The following ATRN variants were observed in gnomAD, a reference collection of about 807,000 sequenced individuals.
ATRN encodes attractin.
ATRN carries 54 observed loss-of-function variants against 178.7 expected under a neutral mutation model. The observed-to-expected ratio is 0.30, with a 90% CI of 0.24 to 0.38. ATRN has a LOEUF of 0.38. Among genes scored for constraint, ATRN ranks in the 10% least tolerant of loss-of-function variants. The pLI is 1.00. For missense variants in ATRN, 1,443 were observed against 1,815.1 expected (o/e 0.79, Z 3.73); for synonymous variants, 636 against 663.0 (o/e 0.96, Z 0.63).
At chr20:3,563,179 G>T (rs778366119) in intron 9 of ATRN, 30 bp from the exon 10 acceptor site, 2 of 1,581,250 alleles carry the variant, frequency 1.3e-6, no homozygotes, top group South Asian at 1.1e-5. Flanking sequence ...AACTAACCTT[G>T]TATTTATTAT....
intron 24 of ATRN, among the ~76,000 whole-genome samples, chr20:3,616,988 T>C (rs527655412): frequency 6.6e-6 from 1 of 152,310 alleles, no homozygotes; most frequent in East Asian, 1.9e-4. Flanking sequence ...CATGTGCTAA[T>C]CAGTTGGAGA....
At chr20:3,615,742 G>A (rs2086837411) in intron 24 of ATRN, 1 of 453,130 alleles carries the variant, frequency 2.2e-6, no homozygotes, top group African/African-American at 2.0e-5. Context: ...TTTTAGTAGA[G>A]ACAGGGTTTT....
At chr20:3,580,928 A>C (rs542885155) in intron 15 of ATRN, among the ~76,000 whole-genome samples, 1 of 152,074 alleles carries the variant, frequency 6.6e-6, no homozygotes, top group South Asian at 2.1e-4. Flanking sequence ...TTTAGTAGGC[A>C]TGTGTATTTT....
intron 1 of ATRN, among the ~76,000 whole-genome samples, chr20:3,488,141 C>T (rs1301325198): frequency 1.3e-5 from 2 of 152,128 alleles, no homozygotes; most frequent in Non-Finnish European, 2.9e-5. Flanking sequence ...ATTTCTCTTA[C>T]TTTTTTTCAG....
intron 24 of ATRN, among the ~76,000 whole-genome samples, chr20:3,620,433 A>G (rs1420694544): frequency 6.6e-6 from 1 of 152,166 alleles, no homozygotes; most frequent in East Asian, 1.9e-4. Context: ...TTTAGTAGAA[A>G]TGGGGTTTTG....
Position 3,594,492 on chromosome 20 carries a change from T to C in ATRN, c.3336T>C (p.Asn1112=). The stretch of plus-strand genomic sequence containing the variant: ...TCTTCTCTGCAGCATGCAAGTGCAA[T>C]GGGCACGCGTCTCTGTGCAACACCA... ...NGGKCQPCKC[N]GHASLCNTNT... is the part of the protein sequence containing the mutation. The change falls in exon 20 of 29, where the codon AAT becomes AAC. Residue 1112 remains asparagine (N), a synonymous_variant. Transcript: ENST00000262919. 1 of 1,608,052 alleles carries C rather than the reference T, an allele frequency of 6.2e-7. No individual in the cohort carries two copies.
intron 10 of ATRN, among the ~76,000 whole-genome samples, chr20:3,565,075 C>T (rs2086013032): frequency 1.3e-5 from 2 of 152,042 alleles, no homozygotes; most frequent in African/African-American, 4.8e-5. Context: ...AATTCTAGTG[C>T]ATCAAACTGA....
intron 18 of ATRN, among the ~76,000 whole-genome samples, chr20:3,585,708 A>G (rs1000735277): frequency 2.0e-5 from 3 of 152,232 alleles, no homozygotes; most frequent in African/African-American, 7.2e-5. Flanking sequence ...TCTAATAAGA[A>G]TCCAATGTCC....
intron 24 of ATRN, 65 bp from the exon 25 acceptor site, chr20:3,624,446 G>C: frequency 7.4e-7 from 1 of 1,347,588 alleles, no homozygotes; most frequent in South Asian, 1.2e-5. Context: ...CTCTTGAAAT[G>C]AGAAGCGTGA....
chr20:3,471,544 C>A (rs769680070), intron 1 of ATRN, 27 bp downstream of exon 1: 1 of 1,375,842 alleles, frequency 7.3e-7, no homozygotes, highest in South Asian at 1.7e-5. Context: ...GTCGGAGGGT[C>A]GGGTCCAACC....
chr20:3,548,677 T>C (rs2085743750), intron 5 of ATRN, among the ~76,000 whole-genome samples: 1 of 152,024 alleles, frequency 6.6e-6, no homozygotes, highest in African/African-American at 2.4e-5. Flanking sequence ...GCATTTACAT[T>C]GTGTTAAGTA....
Position 3,645,978 on chromosome 20 carries a change from GC to G in ATRN, c.4166-744del, listed in dbSNP as rs2087104968. 6.6e-6 allele frequency among the ~76,000 whole-genome samples: 1 copy of G among 152,172 alleles called. No homozygotes were observed. Among genetic ancestry groups the G allele is most frequent in the African/African-American group, 2.4e-5 (1 of 41,440 alleles). On this transcript the variant is annotated intron_variant, in intron 28 of 28. Coordinates refer to ENST00000262919, the MANE Select transcript of ATRN (RefSeq NM_139321.3). The surrounding 1 kb of genome is among the most constrained non-coding windows in gnomAD (Gnocchi z 4.7). The stretch of plus-strand genomic sequence containing the variant: ...GCAAGTCCCCAAAGCAAAGTGGGCG[GC>G]GGGGCAGTGATGAGCATAAAGGGTA...
At chr20:3,499,306 C>CT (rs1483153633) in intron 1 of ATRN, among the ~76,000 whole-genome samples, 1 of 125,908 alleles carries the variant, frequency 7.9e-6, no homozygotes, top group East Asian at 2.0e-4. Context: ...CTACCAATGA[C>CT]TTTCTTCACA....
intron 24 of ATRN, among the ~76,000 whole-genome samples, chr20:3,621,561 G>C (rs372690937): frequency 6.6e-6 from 1 of 152,166 alleles, no homozygotes; most frequent in African/African-American, 2.4e-5. Flanking sequence ...GGAGTATGGT[G>C]TCTACTGTTT....
At chr20:3,596,251 G>T in intron 20 of ATRN, 126 bp from the exon 21 acceptor site, 2 of 960,264 alleles carry the variant, frequency 2.1e-6, no homozygotes, top group Admixed American at 2.1e-5. Flanking sequence ...GCTGAGTTAT[G>T]GTGAAGGATG....
At chr20:3,562,148 A>C in intron 8 of ATRN, 128 bp from the exon 9 acceptor site, 1 of 772,128 alleles carries the variant, frequency 1.3e-6, no homozygotes, top group Non-Finnish European at 2.1e-6. Flanking sequence ...TCTTTAAAAT[A>C]TAAAGATAAA....
intron 14 of ATRN, among the ~76,000 whole-genome samples, chr20:3,577,873 C>T (rs2086233278): frequency 6.6e-6 from 1 of 152,216 alleles, no homozygotes; most frequent in African/African-American, 2.4e-5. Context: ...TTTCTTTTAT[C>T]TCAGTGACTG....
intron 1 of ATRN, among the ~76,000 whole-genome samples, chr20:3,488,755 C>T (rs2084734433): frequency 6.6e-6 from 1 of 152,150 alleles, no homozygotes; most frequent in East Asian, 1.9e-4. Flanking sequence ...AGAAGAATAT[C>T]TTGAGAATAT....
At chr20:3,550,797 G>C (rs1049091973) in intron 6 of ATRN, among the ~76,000 whole-genome samples, 1 of 152,074 alleles carries the variant, frequency 6.6e-6, no homozygotes, top group African/African-American at 2.4e-5. Context: ...CTTCCCTCTG[G>C]GGGGAAAGAG....
Sources: gnomAD v4.1 joint callset for allele counts (sites outside exome capture counted in the v4.1 genomes callset) on GRCh38, gnomAD v4.1.1 for gene constraint, Gnocchi (gnomAD v3.1) non-coding constraint, MANE v1.5 for transcripts, NCBI Gene and HGNC (gene_info 2026-07-23, HGNC 2026-07-21) for gene names.